Variants in ARB2A observed in about 807,000 individuals in gnomAD.
ARB2A encodes the protein ARB2 cotranscriptional regulator A, also known as cotranscriptional regulator ARB2A.
At chr5:94,010,649 T>G in the ARB2A span, among the ~76,000 whole-genome samples, 5 of 152,122 alleles carry the variant, frequency 3.3e-5, no homozygotes, top group Non-Finnish European at 4.4e-5. Flanking sequence ...TCATTTACAG[T>G]CTATATAAAT....
chr5:94,002,473 G>A, the ARB2A span, among the ~76,000 whole-genome samples: 60 of 151,506 alleles, frequency 4.0e-4, no homozygotes, highest in Admixed American at 3.2e-3. Flanking sequence ...GCCAGCACTC[G>A]TTCCCTTGGT....
At chr5:93,693,316 C>CA in the ARB2A span, among the ~76,000 whole-genome samples, 1 of 151,724 alleles carries the variant, frequency 6.6e-6, no homozygotes, top group Non-Finnish European at 1.5e-5. Flanking sequence ...GCCAGATTAA[C>CA]AAAGAAGAGA....
At chr5:93,781,529 T>A in the ARB2A span, among the ~76,000 whole-genome samples, 1 of 152,154 alleles carries the variant, frequency 6.6e-6, no homozygotes, top group Non-Finnish European at 1.5e-5. Flanking sequence ...TAAAATGACT[T>A]ATTTTGCTTC....
the ARB2A span, among the ~76,000 whole-genome samples, chr5:93,855,177 T>G: frequency 2.0e-5 from 3 of 152,236 alleles, no homozygotes; most frequent in African/African-American, 4.8e-5. Context: ...GATAGTTAGC[T>G]CTTCTTGTTG....
chr5:93,817,744 T>C, the ARB2A span, among the ~76,000 whole-genome samples: 1 of 152,178 alleles, frequency 6.6e-6, no homozygotes, highest in Non-Finnish European at 1.5e-5. Flanking sequence ...TAAGTGGTGC[T>C]GGGATTAACT....
chr5:93,752,088 G>T, the ARB2A span, among the ~76,000 whole-genome samples: 287 of 152,284 alleles, frequency 1.9e-3, no homozygotes, highest in African/African-American at 6.7e-3. Context: ...AGCCAGATGA[G>T]AAAGAGACCC....
At chr5:93,631,420 G>T in the ARB2A span, among the ~76,000 whole-genome samples, 1 of 152,146 alleles carries the variant, frequency 6.6e-6, no homozygotes, top group Non-Finnish European at 1.5e-5. Flanking sequence ...TGCCTCCAGG[G>T]TTACACTGTT....
chr5:93,701,337 C>A, the ARB2A span, among the ~76,000 whole-genome samples: 5 of 152,130 alleles, frequency 3.3e-5, no homozygotes, highest in African/African-American at 1.2e-4. Flanking sequence ...CATATACTTA[C>A]GCATATCTGT....
chr5:93,766,342 G>GAA, the ARB2A span, among the ~76,000 whole-genome samples: 1 of 151,876 alleles, frequency 6.6e-6, no homozygotes, highest in African/African-American at 2.4e-5. Flanking sequence ...AAATTTACAA[G>GAA]AAAAAAACAA....
At chr5:93,720,796 C>G in the ARB2A span, among the ~76,000 whole-genome samples, 1 of 152,250 alleles carries the variant, frequency 6.6e-6, no homozygotes, top group African/African-American at 2.4e-5. Flanking sequence ...AATTATATTT[C>G]AGGCATTTAT....
chr5:94,097,913 T>G, the ARB2A span, among the ~76,000 whole-genome samples: 1 of 139,796 alleles, frequency 7.2e-6, no homozygotes, highest in African/African-American at 2.7e-5. Flanking sequence ...GCTGGCTTAA[T>G]GAAGGGATTC....
At chr5:93,876,485 A>G in the ARB2A span, among the ~76,000 whole-genome samples, 3 of 152,188 alleles carry the variant, frequency 2.0e-5, no homozygotes, top group East Asian at 3.9e-4. Context: ...TCTGCTCCTA[A>G]TGTCTCAGAA....
the ARB2A span, among the ~76,000 whole-genome samples, chr5:93,961,708 A>T: frequency 6.6e-6 from 1 of 152,112 alleles, no homozygotes; most frequent in Non-Finnish European, 1.5e-5. Context: ...GGGAAAAGGG[A>T]ATCACATTTT....
the ARB2A span, among the ~76,000 whole-genome samples, chr5:93,911,353 T>C: frequency 1.3e-5 from 2 of 151,796 alleles, no homozygotes; most frequent in South Asian, 2.1e-4. Context: ...AAGATTTCTT[T>C]AATCGAAACC....
the ARB2A span, among the ~76,000 whole-genome samples, chr5:93,874,866 G>A: frequency 5.9e-5 from 9 of 152,160 alleles, no homozygotes; most frequent in African/African-American, 2.2e-4. Context: ...AAGGTACAAG[G>A]GCCAGGGACC....
chr5:93,848,315 G>A, the ARB2A span, among the ~76,000 whole-genome samples: 3 of 151,774 alleles, frequency 2.0e-5, no homozygotes, highest in Admixed American at 6.6e-5. Context: ...CCCGGGAGGC[G>A]GAGGTTGCAG....
the ARB2A span, among the ~76,000 whole-genome samples, chr5:93,812,934 C>A: frequency 6.6e-6 from 1 of 152,104 alleles, no homozygotes; most frequent in Non-Finnish European, 1.5e-5. Flanking sequence ...GAGGATGGAG[C>A]CCCCAAGATG....
At chr5:94,061,378 C>CT in the ARB2A span, among the ~76,000 whole-genome samples, 10 of 152,178 alleles carry the variant, frequency 6.6e-5, no homozygotes, top group Non-Finnish European at 1.5e-4. Context: ...AAAGACAATC[C>CT]TTTTCCCTCA....
chr5:93,995,184 T>C, the ARB2A span, among the ~76,000 whole-genome samples: 1 of 152,196 alleles, frequency 6.6e-6, no homozygotes, highest in Non-Finnish European at 1.5e-5. Context: ...TTGTAGCCAC[T>C]TCCTGTTGGT....
Sources: gnomAD v4.1 joint callset for allele counts (sites outside exome capture counted in the v4.1 genomes callset) on GRCh38, gnomAD v4.1.1 for gene constraint, MANE v1.5 for transcripts, NCBI Gene and HGNC (gene_info 2026-07-23, HGNC 2026-07-21) for gene names.